The following CADPS2 variants were observed in gnomAD, a reference collection of about 807,000 sequenced individuals.
The protein encoded by CADPS2 is calcium-dependent secretion activator 2.
In CADPS2, 93 loss-of-function variants were observed where a neutral mutation model predicts 172.5. That is an observed-to-expected ratio of 0.54 (90% CI 0.46 to 0.64). The LOEUF is 0.64. Ranked by LOEUF, CADPS2 falls within the 30% of genes least tolerant of loss-of-function variation. The pLI, the probability that CADPS2 is intolerant of heterozygous loss-of-function variation, is 0.00. For missense variants in CADPS2, 1,420 were observed against 1,565.9 expected (o/e 0.91, Z 1.57); for synonymous variants, 546 against 555.2 (o/e 0.98, Z 0.23).
intron 1 of CADPS2, among the ~76,000 whole-genome samples, chr7:122,797,410 C>T (rs1796612621): frequency 6.6e-6 from 1 of 152,098 alleles, no homozygotes; most frequent in African/African-American, 2.4e-5. Flanking sequence ...GTGTTCACTG[C>T]AGCACTATTC....
At chr7:122,858,832 A>G (rs1389102276) in intron 1 of CADPS2, among the ~76,000 whole-genome samples, 2 of 152,216 alleles carry the variant, frequency 1.3e-5, no homozygotes, top group African/African-American at 2.4e-5. Context: ...GAACAAGTAA[A>G]AAGTGTGGTA....
In CADPS2 at chr7:122,527,613, AGAGAGTGTGTGT is replaced by A. The variant is rs1212991063; in HGVS notation, c.1476-14310_1476-14299del. Among the ~76,000 whole-genome samples the A allele has an allele frequency of 4.5e-3, 461 of 101,912 alleles. 2 individuals carry two copies. Among genetic ancestry groups the A allele is most frequent in the African/African-American group, 0.016 (448 of 27,926 alleles). The allele number at this position is 101,912 out of a possible 152,430, so 66.9% of individuals were successfully genotyped here. Reference sequence around the variant, plus strand: ...GAGAGAGAGAGAGAGAGAGAGAGAGAGAGAGTGTGTGTGTGTGTGTGTGTGTGTGTGTGTGTG... The same window carrying A: ...GAGAGAGAGAGAGAGAGAGAGAGAGAGTGTGTGTGTGTGTGTGTGTGTGTG... On this transcript the variant is annotated intron_variant, in intron 8 of 29. Transcript: ENST00000449022.
In CADPS2 at chr7:122,474,421, T is replaced by G. The variant is rs756568524; in HGVS notation, c.1958A>C (p.Gln653Pro). ...ATCATTCAGTCTGTGATCCAAAGTC[T>G]GCCTCTGGAGTATTCTAAAAAGGAA... The part of the protein sequence containing the change: ...HAFLFRILQR[Q>P]TLDHRLNDSY... The change falls in exon 13 of 30, where the codon CAG (glutamine) becomes CCG (proline). Residue 653 changes from glutamine (Q) to proline (P), a missense_variant. Physicochemically the swap from Gln to Pro is moderately conservative, Grantham distance 76. Coordinates refer to ENST00000449022, the MANE Select transcript of CADPS2 (RefSeq NM_017954.11). 7 of 1,613,490 alleles carry G rather than the reference T, an allele frequency of 4.3e-6. No homozygotes were observed. Among genetic ancestry groups the G allele is most frequent in the Non-Finnish European group, 1.7e-6 (2 of 1,179,642 alleles).
intron 6 of CADPS2, among the ~76,000 whole-genome samples, chr7:122,607,170 T>A (rs538917656): frequency 4.9e-4 from 74 of 152,290 alleles, no homozygotes; most frequent in African/African-American, 1.8e-3. Context: ...AGTCCCTTTT[T>A]CCCACTACAG....
chr7:122,699,041 T>C (rs895606646), intron 2 of CADPS2: 6 of 682,332 alleles, frequency 8.8e-6, no homozygotes, highest in African/African-American at 7.3e-5. Flanking sequence ...TCTTCCAGCA[T>C]GTTTTTGTAA....
chr7:122,490,062 A>G lies in CADPS2; in HGVS notation c.1852+19T>C. On this transcript the variant is annotated intron_variant, in intron 11 of 29. Coordinates refer to ENST00000449022, the MANE Select transcript of CADPS2 (RefSeq NM_017954.11). ...AAGGCTATTAATTGATAATCAAATT[A>G]TTTTTTAACAAAACTTACAAAGCTG... 1.9e-6 allele frequency: 3 copies of G among 1,607,936 alleles called. No homozygotes were observed. In the South Asian group the frequency reaches 3.3e-5, roughly 18 times the overall value.
Position 122,416,171 on chromosome 7 carries a change from G to A in CADPS2, c.2477-7C>T. 1 of 1,482,150 alleles carries A rather than the reference G, an allele frequency of 6.7e-7. No homozygotes were observed. Among genetic ancestry groups the A allele is most frequent in the Non-Finnish European group, 9.1e-7 (1 of 1,095,444 alleles). 91.8% of individuals were successfully genotyped at this position (1,482,150 alleles called of 1,614,324 possible). On this transcript the variant is annotated splice_polypyrimidine_tract_variant and splice_region_variant and intron_variant, in intron 17 of 29. Coordinates refer to ENST00000449022, the MANE Select transcript of CADPS2 (RefSeq NM_017954.11). ...GATGCCTGGTTCATGGTCTCTATAT[G>A]AAAAAAAATCATAATCATGTTACCT... is the stretch of plus-strand genomic sequence containing the variant.
intron 1 of CADPS2, among the ~76,000 whole-genome samples, chr7:122,793,996 G>C (rs969178601): frequency 2.0e-5 from 3 of 152,122 alleles, no homozygotes; most frequent in African/African-American, 7.2e-5. Flanking sequence ...TGAGAGGTCT[G>C]CTGTTAGTCT....
chr7:122,505,456 G>A (rs1563536481), intron 9 of CADPS2, among the ~76,000 whole-genome samples: 1 of 152,176 alleles, frequency 6.6e-6, no homozygotes, highest in Non-Finnish European at 1.5e-5. Flanking sequence ...TTCAGGTTTA[G>A]AGGAATCACT....
intron 9 of CADPS2, among the ~76,000 whole-genome samples, chr7:122,498,009 G>C (rs1451217599): frequency 6.6e-6 from 1 of 152,128 alleles, no homozygotes; most frequent in East Asian, 1.9e-4. Context: ...AGGTTGGAAG[G>C]CAGTGGCACG....
In CADPS2 at chr7:122,679,265, T is replaced by TGTTGGG. The variant is rs71161322; in HGVS notation, c.454-15697_454-15696insCCCAAC. ...CAGCCCTGGGAAAAGAATGCATTCC[T>TGTTGGG]GGGGGGGGGGGGCTCTAAAATGGCC... On this transcript the variant is annotated intron_variant, in intron 2 of 29. Transcript: ENST00000449022. 5.1e-5 allele frequency among the ~76,000 whole-genome samples: 2 copies of TGTTGGG among 39,146 alleles called. 1 individual carries two copies. Among genetic ancestry groups the TGTTGGG allele is most frequent in the Non-Finnish European group, 1.2e-4 (2 of 16,762 alleles). 25.7% of individuals were successfully genotyped at this position (39,146 alleles called of 152,430 possible).
intron 2 of CADPS2, among the ~76,000 whole-genome samples, chr7:122,694,901 C>CTGCT (rs2084870952): frequency 6.6e-6 from 1 of 152,160 alleles, no homozygotes; most frequent in Non-Finnish European, 1.5e-5. Flanking sequence ...AAAAATTTCT[C>CTGCT]TGCTTGCTTC....
At chr7:122,380,975 A>G (rs1265227227) in intron 24 of CADPS2, among the ~76,000 whole-genome samples, 2 of 152,154 alleles carry the variant, frequency 1.3e-5, no homozygotes, top group Non-Finnish European at 2.9e-5. Context: ...GAAGAAAAAG[A>G]GCCTGAAAAA....
At chr7:122,554,930 A>G (rs560996821) in intron 7 of CADPS2, among the ~76,000 whole-genome samples, 8 of 152,104 alleles carry the variant, frequency 5.3e-5, no homozygotes, top group Admixed American at 6.6e-5. Flanking sequence ...GTGTCACTTC[A>G]TAACGAATTA....
intron 2 of CADPS2, among the ~76,000 whole-genome samples, chr7:122,715,866 C>T (rs1029780783): frequency 6.6e-6 from 1 of 152,042 alleles, no homozygotes; most frequent in African/African-American, 2.4e-5. Flanking sequence ...GATTTTGCTC[C>T]TCTAGATTTT....
intron 2 of CADPS2, among the ~76,000 whole-genome samples, chr7:122,708,215 C>T (rs2136570014): frequency 6.6e-6 from 1 of 151,668 alleles, no homozygotes; most frequent in South Asian, 2.1e-4. Context: ...CTTTTTAATA[C>T]CCAGCTTCTA....
chr7:122,415,831 T>C (rs76832266), intron 18 of CADPS2, among the ~76,000 whole-genome samples: 2 of 152,304 alleles, frequency 1.3e-5, no homozygotes, highest in East Asian at 3.9e-4. Flanking sequence ...CACACACAAT[T>C]GCTTTGTAAT....
chr7:122,852,553 A>G (rs1165636830), intron 1 of CADPS2, among the ~76,000 whole-genome samples: 1 of 152,156 alleles, frequency 6.6e-6, no homozygotes, highest in Non-Finnish European at 1.5e-5. Context: ...CATTGAGTTA[A>G]TGGTTGAGCA....
At chr7:122,517,365 G>A (rs1360836739) in intron 8 of CADPS2, among the ~76,000 whole-genome samples, 1 of 152,030 alleles carries the variant, frequency 6.6e-6, no homozygotes, top group East Asian at 1.9e-4. Context: ...ATGAACACTT[G>A]TGTACAAGTC....
Sources: allele counts gnomAD v4.1 joint callset (sites outside exome capture counted in the v4.1 genomes callset), GRCh38; gene constraint gnomAD v4.1.1; transcripts MANE v1.5; gene names NCBI Gene and HGNC (gene_info 2026-07-23, HGNC 2026-07-21).